Variants in RFX6 observed in about 807,000 individuals in gnomAD.
RFX6 encodes the protein DNA-binding protein RFX6.
In RFX6, 50 loss-of-function variants were observed where a neutral mutation model predicts 110.8. The ratio of observed to expected loss-of-function variants is 0.45; its 90% CI spans 0.36 to 0.57. The LOEUF is 0.57. Among genes scored for constraint, RFX6 ranks in the 20% least tolerant of loss-of-function variants. The pLI, the probability that RFX6 is intolerant of heterozygous loss-of-function variation, is 0.00. For missense variants in RFX6, 990 were observed against 1,127.0 expected, an observed-to-expected ratio of 0.88 and a Z score of 1.74; for synonymous variants, 383 against 411.2, an observed-to-expected ratio of 0.93 and a Z score of 0.83.
At chr6:116,892,773 C>T (rs1358909580) in intron 4 of RFX6, among the ~76,000 whole-genome samples, 4 of 152,142 alleles carry the variant, frequency 2.6e-5, no homozygotes, top group Admixed American at 2.6e-4. Flanking sequence ...TGTTCATTAG[C>T]TCGATTTATA....
Position 116,931,375 on chromosome 6 carries a change from A to G in RFX6, c.2656A>G (p.Met886Val), listed in dbSNP as rs888567716. Residue 886 changes from methionine (M) to valine (V), a missense_variant, in exon 19 of 19, where the codon ATG becomes GTG. Physicochemically the swap from Met to Val is conservative, Grantham distance 21. Transcript: ENST00000332958. ...AATTCCTTCTTCCTCATCCCAATGTATGTATGGAACTTCCAACCAGTATCC... is the reference window on the plus strand; with the variant it reads ...AATTCCTTCTTCCTCATCCCAATGTGTGTATGGAACTTCCAACCAGTATCC... ...TPIPSSSSQCMYGTSNQYPAQ... is the reference protein window; with the variant it reads ...TPIPSSSSQCVYGTSNQYPAQ... The G allele has an allele frequency of 6.2e-7, 1 of 1,613,188 alleles. No individual in the cohort carries two copies. Among genetic ancestry groups the G allele is most frequent in the African/African-American group, 1.3e-5 (1 of 74,884 alleles).
intron 1 of RFX6, 42 bp downstream of exon 1, chr6:116,877,540 A>T: frequency 3.5e-6 from 5 of 1,449,126 alleles, no homozygotes; most frequent in East Asian, 2.5e-5. Context: ...GGGGACGGGG[A>T]CGTATTCTAA....
chr6:116,881,790 A>G (rs78323960), intron 3 of RFX6, among the ~76,000 whole-genome samples: 113 of 152,238 alleles, frequency 7.4e-4, no homozygotes, highest in African/African-American at 2.6e-3. Context: ...TAATACATAC[A>G]TAGTTTGCCA....
intron 11 of RFX6, among the ~76,000 whole-genome samples, chr6:116,919,777 CT>C (rs1169376299): frequency 6.6e-6 from 1 of 152,176 alleles, no homozygotes; most frequent in Non-Finnish European, 1.5e-5. Flanking sequence ...AATCATGGCT[CT>C]TTTAAATAGA....
intron 6 of RFX6, among the ~76,000 whole-genome samples, chr6:116,895,711 C>T (rs1174875653): frequency 6.6e-6 from 1 of 151,760 alleles, no homozygotes; most frequent in Non-Finnish European, 1.5e-5. Context: ...TTCCTCTCCA[C>T]CCCCTCCTTC....
rs1347789212 is a variant in RFX6 at position 116,877,283 on chromosome 6, A to G, written c.8A>G (p.Lys3Arg). 7 of 1,610,024 alleles carry G rather than the reference A, an allele frequency of 4.3e-6. No homozygotes were observed. Among genetic ancestry groups the G allele is most frequent in the Non-Finnish European group, 5.1e-6 (6 of 1,178,588 alleles). The change falls in exon 1 of 19, where the codon AAG becomes AGG. Residue 3 changes from lysine (K) to arginine (R), a missense_variant. This residue lies in a region of RFX6 where 175 missense variants were observed against 162.3 expected (regional missense o/e 1.08). Coordinates refer to ENST00000332958, the MANE Select transcript of RFX6 (RefSeq NM_173560.4). MA[K>R]VPELEDTFLQ... ...TGTCCGGCGGCCAGGAGGATGGCCA[A>G]GGTCCCGGAGCTGGAAGACACCTTC...
At chr6:116,882,799 A>G (rs1007887639) in intron 4 of RFX6, among the ~76,000 whole-genome samples, 3 of 152,152 alleles carry the variant, frequency 2.0e-5, no homozygotes, top group Non-Finnish European at 4.4e-5. Flanking sequence ...AGCATGCTTC[A>G]GGTTCTTCCT....
intron 4 of RFX6, among the ~76,000 whole-genome samples, chr6:116,890,781 G>A (rs1054125333): frequency 2.0e-5 from 3 of 151,950 alleles, no homozygotes; most frequent in Admixed American, 1.3e-4. Flanking sequence ...TAAAAAGCAC[G>A]GTTTTTTGAG....
At chr6:116,892,243 C>T (rs1284395458) in intron 4 of RFX6, among the ~76,000 whole-genome samples, 3 of 152,196 alleles carry the variant, frequency 2.0e-5, no homozygotes, top group Non-Finnish European at 2.9e-5. Flanking sequence ...ACAGTCCTGC[C>T]CTTAGCACCT....
At chr6:116,891,668 C>T (rs1337283732) in intron 4 of RFX6, among the ~76,000 whole-genome samples, 2 of 152,110 alleles carry the variant, frequency 1.3e-5, no homozygotes, top group Admixed American at 6.5e-5. Flanking sequence ...TTATTTCAGA[C>T]TCTGGCTTAT....
chr6:116,892,285 CT>C (rs1243125371), intron 4 of RFX6, among the ~76,000 whole-genome samples: 4 of 152,242 alleles, frequency 2.6e-5, no homozygotes, highest in African/African-American at 9.6e-5. Context: ...GGGCCTCCCA[CT>C]TTGGGGGGCT....
chr6:116,884,089 A>C (rs1774649318), intron 4 of RFX6, among the ~76,000 whole-genome samples: 1 of 152,146 alleles, frequency 6.6e-6, no homozygotes, highest in Non-Finnish European at 1.5e-5. Flanking sequence ...TCCAACTGCC[A>C]GTCTTCTGTT....
chr6:116,916,431 C>CT lies in RFX6; in HGVS notation c.972+126dup, dbSNP rs80305689. On this transcript the variant is annotated intron_variant, in intron 9 of 18. Transcript: ENST00000332958. ...TTATTTATGGCTGGATATACACTGT[C>CT]TTTTTTTTTGATGAGAAAGCAAGCA... 1.8e-3 allele frequency: 1,187 copies of CT among 676,164 alleles called. 5 individuals are homozygous for CT. The highest frequency in any genetic ancestry group is 3.9e-3 in the South Asian group (242 of 62,100). 41.9% of individuals were successfully genotyped at this position (676,164 alleles called of 1,614,324 possible). A position where few individuals can be genotyped will look rare whatever the true frequency, so the allele number is the denominator to read the frequency against.
intron 11 of RFX6, among the ~76,000 whole-genome samples, chr6:116,919,986 A>G: frequency 6.6e-6 from 1 of 152,250 alleles, no homozygotes; most frequent in East Asian, 1.9e-4. Context: ...GAATCCATTT[A>G]TATTTTCTTT....
At position 116,923,251 on chromosome 6, in the gene RFX6, T is replaced by G. The variant is rs201243326; in HGVS notation, c.1555+27T>G. On this transcript the variant is annotated intron_variant, in intron 14 of 18. Transcript: ENST00000332958. ...TAACATACGTGCATTATAAAACTGT[T>G]CTTACATGAATTATATAATTTGTTC... 8.3e-5 allele frequency: 84 copies of G among 1,009,062 alleles called. No individual in the cohort carries two copies. In the East Asian group the frequency reaches 1.8e-3, roughly 21 times the overall value. 62.5% of individuals were successfully genotyped at this position (1,009,062 alleles called of 1,614,324 possible).
At chr6:116,896,578 G>T (rs1404632378) in intron 6 of RFX6, among the ~76,000 whole-genome samples, 1 of 90,672 alleles carries the variant, frequency 1.1e-5, no homozygotes, top group Non-Finnish European at 2.2e-5. Context: ...GGTGATGTAT[G>T]CCTGTAATCC....
chr6:116,897,001 C>T (rs766633019), intron 6 of RFX6, among the ~76,000 whole-genome samples: 5 of 152,048 alleles, frequency 3.3e-5, no homozygotes, highest in Non-Finnish European at 7.4e-5. Context: ...CCTGCCCTTC[C>T]AGAGCTTTAC....
intron 18 of RFX6, 110 bp downstream of exon 18, chr6:116,929,081 C>T (rs1275818606): frequency 1.4e-5 from 11 of 775,820 alleles, no homozygotes; most frequent in African/African-American, 6.8e-5. Flanking sequence ...CATGTTTCCA[C>T]GGTTGATTTA....
rs639646 is a variant in RFX6, at chr6:116,931,178, A to G, written c.2612-153A>G. Among the ~76,000 whole-genome samples the G allele has an allele frequency of 0.24, 36,967 of 152,094 alleles. 4,883 individuals carry two copies. Among genetic ancestry groups the G allele is most frequent in the South Asian group, 0.42 (2,019 of 4,826 alleles). The stretch of plus-strand genomic sequence containing the variant: ...GCAAGTGGGAACAAATGGAAGAAAA[A>G]ATGATTGCTCTGGTAAACCATACAG... On this transcript the variant is annotated intron_variant, in intron 18 of 18. Coordinates refer to ENST00000332958, the MANE Select transcript of RFX6 (RefSeq NM_173560.4).
Sources: gnomAD v4.1 joint callset for allele counts (sites outside exome capture counted in the v4.1 genomes callset) on GRCh38, gnomAD v4.1.1 for gene constraint, gnomAD v4.1.1 regional missense constraint, MANE v1.5 for transcripts, NCBI Gene and HGNC (gene_info 2026-07-23, HGNC 2026-07-21) for gene names.